Variants in PLCG2 observed in about 807,000 individuals in gnomAD.
PLCG2 encodes phospholipase C gamma 2, also known as 1-phosphatidylinositol 4,5-bisphosphate phosphodiesterase gamma-2.
PLCG2 carries 69 observed loss-of-function variants against 175.6 expected under a neutral mutation model. The observed-to-expected ratio is 0.39, with a 90% CI of 0.32 to 0.48. The LOEUF (loss-of-function observed/expected upper bound fraction) is 0.48, where lower values mean the gene tolerates loss of function less well. Among genes scored for constraint, PLCG2 ranks in the 20% least tolerant of loss-of-function variants. The probability of loss-of-function intolerance (pLI) is 0.91; values close to 1 mark genes in which losing one functional copy is unlikely to be tolerated. For missense variants in PLCG2, 1,798 were observed against 1,650.9 expected, an observed-to-expected ratio of 1.09 and a Z score of -1.54; for synonymous variants, 827 against 624.0, an observed-to-expected ratio of 1.33 and a Z score of -4.85.
intron 32 of PLCG2, among the ~76,000 whole-genome samples, chr16:81,957,603 T>G (rs960355435): frequency 5.3e-5 from 8 of 152,120 alleles, no homozygotes; most frequent in Admixed American, 3.3e-4. Flanking sequence ...CGGCCGGGGT[T>G]GCCAAGTGTT....
intron 12 of PLCG2, 47 bp from the exon 13 acceptor site, chr16:81,895,760 G>C: frequency 6.2e-7 from 1 of 1,609,870 alleles, no homozygotes; most frequent in Non-Finnish European, 8.5e-7. Flanking sequence ...CCTCGGGGCT[G>C]TCAGTGAACA....
chr16:81,960,294 A>T lies in PLCG2; in HGVS notation c.*2296A>T, dbSNP rs923772829. 7.7e-5 allele frequency: 17 copies of T among 220,650 alleles called. No homozygotes were observed. In the Admixed American group the frequency reaches 9.2e-4, roughly 12 times the overall value. 13.7% of individuals were successfully genotyped at this position (220,650 alleles called of 1,614,324 possible). A position where few individuals can be genotyped will look rare whatever the true frequency, so the allele number is the denominator to read the frequency against. On this transcript the variant is annotated 3_prime_UTR_variant, in exon 33 of 33. Transcript: ENST00000564138. Reference sequence around the variant, plus strand: ...CTATGTGATGCTACATAACTTCAGTATCTAGCTGAGACATGCTTCCTACAT... The same window carrying T: ...CTATGTGATGCTACATAACTTCAGTTTCTAGCTGAGACATGCTTCCTACAT...
chr16:81,902,239 G>A (rs1909182662), intron 14 of PLCG2, among the ~76,000 whole-genome samples: 3 of 152,200 alleles, frequency 2.0e-5, no homozygotes, highest in African/African-American at 7.2e-5. Context: ...CATTCCACGA[G>A]CTCATGGGGA....
chr16:81,802,100 T>TTTTTTTC (rs2143250115), intron 2 of PLCG2, among the ~76,000 whole-genome samples: 3 of 52,204 alleles, frequency 5.7e-5, no homozygotes, highest in Admixed American at 3.6e-4. Context: ...AGTCTTTTTT[T>TTTTTTTC]TTTTTTTTTT....
At chr16:81,788,108 A>G (rs1005305924) in intron 2 of PLCG2, among the ~76,000 whole-genome samples, 9 of 152,152 alleles carry the variant, frequency 5.9e-5, no homozygotes, top group Non-Finnish European at 1.0e-4. Context: ...TGGGTCATAC[A>G]CTAACTCAGT....
intron 2 of PLCG2, among the ~76,000 whole-genome samples, chr16:81,824,647 T>G (rs561660650): frequency 1.5e-4 from 23 of 152,308 alleles, no homozygotes; most frequent in Admixed American, 1.2e-3. Flanking sequence ...ATTCAGCGGT[T>G]ATAATTAAAG....
intron 2 of PLCG2, among the ~76,000 whole-genome samples, chr16:81,812,298 C>T (rs1260321514): frequency 3.3e-5 from 5 of 152,140 alleles, no homozygotes; most frequent in South Asian, 4.1e-4. Flanking sequence ...ATCCACACGC[C>T]TCAGCCTCCC....
At chr16:81,785,790 C>T (rs775803565) in intron 1 of PLCG2, 153 bp from the exon 2 acceptor site, 28 of 561,730 alleles carry the variant, frequency 5.0e-5, no homozygotes, top group Non-Finnish European at 7.6e-5. Context: ...CCTTAGCTCT[C>T]TGAGTGGCCA....
At chr16:81,842,172 G>C (rs1905868643) in intron 2 of PLCG2, among the ~76,000 whole-genome samples, 2 of 152,158 alleles carry the variant, frequency 1.3e-5, no homozygotes, top group Non-Finnish European at 2.9e-5. Context: ...CAAGGTCTTT[G>C]TACTCCAGAA....
intron 5 of PLCG2, among the ~76,000 whole-genome samples, chr16:81,865,997 C>T (rs1482300139): frequency 7.3e-6 from 1 of 137,668 alleles, no homozygotes; most frequent in African/African-American, 2.8e-5. Context: ...TGAGAGGACG[C>T]TGGCCTCTCC....
chr16:81,938,555 A>C (rs1267654379), intron 28 of PLCG2: 4 of 533,626 alleles, frequency 7.5e-6, no homozygotes, highest in Non-Finnish European at 1.0e-5. Context: ...AGCTCAGGTG[A>C]GTTTTACCTG....
At chr16:81,912,573 G>A (rs749095958) in intron 18 of PLCG2, 24 bp from the exon 19 acceptor site, 26 of 1,611,168 alleles carry the variant, frequency 1.6e-5, no homozygotes, top group African/African-American at 8.0e-5. Flanking sequence ...TCACCTGGTC[G>A]TTTTCCCTGG....
At chr16:81,838,236 G>A (rs950837274) in intron 2 of PLCG2, among the ~76,000 whole-genome samples, 1 of 151,986 alleles carries the variant, frequency 6.6e-6, no homozygotes, top group Non-Finnish European at 1.5e-5. Context: ...GTAGGCACCT[G>A]CCACCATGCC....
At chr16:81,810,846 G>A (rs1264069753) in intron 2 of PLCG2, among the ~76,000 whole-genome samples, 1 of 152,156 alleles carries the variant, frequency 6.6e-6, no homozygotes, top group Non-Finnish European at 1.5e-5. Context: ...AGTGGGAGAG[G>A]CAAGCACAAC....
intron 1 of PLCG2, among the ~76,000 whole-genome samples, chr16:81,752,725 C>T (rs1418047211): frequency 6.6e-6 from 1 of 152,230 alleles, no homozygotes. Flanking sequence ...GTAGACGAGG[C>T]CCACTCCTTG....
intron 1 of PLCG2, among the ~76,000 whole-genome samples, chr16:81,748,403 T>A (rs554460825): frequency 2.9e-3 from 402 of 139,372 alleles, no homozygotes; most frequent in African/African-American, 9.7e-3. Context: ...CTTAAAAAAT[T>A]AAAAAAAAAA....
intron 19 of PLCG2, among the ~76,000 whole-genome samples, chr16:81,916,803 A>G (rs1412756678): frequency 2.0e-5 from 3 of 152,004 alleles, no homozygotes; most frequent in Non-Finnish European, 4.4e-5. Flanking sequence ...ATGCCTGGCT[A>G]AGTTTTGTAT....
intron 5 of PLCG2, among the ~76,000 whole-genome samples, chr16:81,866,289 C>T (rs1368175243): frequency 1.4e-5 from 2 of 138,408 alleles, no homozygotes; most frequent in Admixed American, 7.1e-5. Context: ...ATGCTAGCCT[C>T]TCCCTTTCTC....
intron 14 of PLCG2, among the ~76,000 whole-genome samples, chr16:81,902,881 G>C (rs1053248852): frequency 6.6e-6 from 1 of 152,178 alleles, no homozygotes; most frequent in Admixed American, 6.5e-5. Flanking sequence ...AAGAGAGCTT[G>C]TTCAGGGAAA....
Sources: gnomAD v4.1 joint callset for allele counts (sites outside exome capture counted in the v4.1 genomes callset) on GRCh38, gnomAD v4.1.1 for gene constraint, MANE v1.5 for transcripts, NCBI Gene and HGNC (gene_info 2026-07-23, HGNC 2026-07-21) for gene names.